Variants in PCSK9 observed in about 807,000 individuals in gnomAD.
The protein encoded by PCSK9 is convertase subtilisin/kexin type 9 preproprotein.
A neutral mutation model predicts 62.1 loss-of-function variants in PCSK9; 57 were observed. The ratio of observed to expected loss-of-function variants is 0.92; its 90% CI spans 0.74 to 1.14. The LOEUF is 1.14. Ranked by LOEUF, PCSK9 falls within the 50% of genes most tolerant of loss-of-function variation. The pLI is 0.00. For synonymous variants in PCSK9, 387 were observed against 409.4 expected (o/e 0.95, Z 0.66); for missense variants, 870 against 959.8 (o/e 0.91, Z 1.24).
rs1644637678 is a variant in PCSK9, at chr1:55,046,654, C to A, written c.523+8C>A. ...ATGAATACCAGCCCCCCGGTAAGAC[C>A]CCCATCTGTGCCCTGCCCCACCCCA... is the stretch of plus-strand genomic sequence containing the variant. On this transcript the variant is annotated splice_region_variant and intron_variant, in intron 3 of 11. Transcript: ENST00000302118. 2 of 1,613,606 alleles carry A rather than the reference C, an allele frequency of 1.2e-6. No homozygotes were observed. Among genetic ancestry groups the A allele is most frequent in the African/African-American group, 2.7e-5 (2 of 74,972 alleles).
chr1:55,051,480 CCT>C (rs143499560), intron 3 of PCSK9: 302 of 322,834 alleles, frequency 9.4e-4, no homozygotes, highest in African/African-American at 6.1e-3. Context: ...TTCCTTTCTT[CCT>C]CTCTCCCTTC....
At chr1:55,049,227 T>TG (rs1644656249) in intron 3 of PCSK9, among the ~76,000 whole-genome samples, 1 of 152,184 alleles carries the variant, frequency 6.6e-6, no homozygotes. Context: ...AGCAGTGGAA[T>TG]GAACGTGGAT....
rs1328112704 is a variant in PCSK9, at chr1:55,064,673, C to A, written c.*1089C>A. The A allele has an allele frequency of 6.6e-6, 1 of 152,212 alleles. No homozygotes were observed. The highest frequency in any genetic ancestry group is 1.5e-5 in the Non-Finnish European group (1 of 68,024). 9.4% of individuals were successfully genotyped at this position (152,212 alleles called of 1,614,324 possible). ...CCAACAACTGTCCCTCCTTGAGCAC[C>A]AGCCCCACCCAAGCAAGCAGACATT... is the stretch of plus-strand genomic sequence containing the variant. On this transcript the variant is annotated 3_prime_UTR_variant, in exon 12 of 12. Coordinates refer to ENST00000302118, the MANE Select transcript of PCSK9 (RefSeq NM_174936.4).
chr1:55,049,435 C>A (rs1037048136), intron 3 of PCSK9, among the ~76,000 whole-genome samples: 3 of 152,212 alleles, frequency 2.0e-5, no homozygotes, highest in African/African-American at 7.2e-5. Flanking sequence ...CAGGACTGGG[C>A]TCTCACCTGC....
At chr1:55,058,905 T>G (rs1644738012) in intron 9 of PCSK9, among the ~76,000 whole-genome samples, 1 of 152,202 alleles carries the variant, frequency 6.6e-6, no homozygotes, top group African/African-American at 2.4e-5. Flanking sequence ...GGATGGATTT[T>G]CAATGCTCAC....
At chr1:55,054,735 G>C (rs553741) in intron 5 of PCSK9, among the ~76,000 whole-genome samples, 81,785 of 152,150 alleles carry the variant, frequency 0.54, 24,577 homozygotes, top group East Asian at 0.76. Context: ...GCTGGGTGCA[G>C]TGGCTCACGC....
chr1:55,041,069 A>G lies in PCSK9; in HGVS notation c.207+1025A>G, dbSNP rs1461888646. On this transcript the variant is annotated intron_variant, in intron 1 of 11. Transcript: ENST00000302118. The stretch of plus-strand genomic sequence containing the variant: ...CTCCATTGCCTAATCTTTAAAAGGG[A>G]GGTGACAATCGTCCCTACGGCTCAG... Among the ~76,000 whole-genome samples, 4 of 152,262 alleles carry G rather than the reference A, an allele frequency of 2.6e-5. No homozygotes were observed. In the East Asian group the frequency reaches 5.8e-4, roughly 22 times the overall value.
chr1:55,060,504 G>T (rs1027912955), intron 10 of PCSK9, among the ~76,000 whole-genome samples: 4 of 152,240 alleles, frequency 2.6e-5, no homozygotes, highest in African/African-American at 9.6e-5. Flanking sequence ...GTTCAGGAAA[G>T]ATGAGCATAG....
At chr1:55,062,535 T>C (rs1452472076) in intron 11 of PCSK9, among the ~76,000 whole-genome samples, 2 of 152,096 alleles carry the variant, frequency 1.3e-5, no homozygotes, top group African/African-American at 4.8e-5. Context: ...AAAGATGCGA[T>C]GGAGAAAACT....
Position 55,058,103 on chromosome 1 carries a change from C to T in PCSK9, c.1248C>T (p.Ile416=). 1.9e-6 allele frequency: 3 copies of T among 1,613,692 alleles called. No homozygotes were observed. The highest frequency in any genetic ancestry group is 2.5e-6 in the Non-Finnish European group (3 of 1,180,004). The change falls in exon 8 of 12, where the codon ATC becomes ATT. Residue 416 remains isoleucine (I), a synonymous_variant. Coordinates refer to ENST00000302118, the MANE Select transcript of PCSK9 (RefSeq NM_174936.4). ...TGGCCGAGTTGAGGCAGAGACTGAT[C>T]CACTTCTCTGCCAAAGATGTCATCA... The part of the protein sequence containing the change: ...LTLAELRQRL[I]HFSAKDVINE...
At chr1:55,046,106 G>A (rs1426740599) in intron 2 of PCSK9, among the ~76,000 whole-genome samples, 1 of 152,184 alleles carries the variant, frequency 6.6e-6, no homozygotes, top group Non-Finnish European at 1.5e-5. Context: ...AGTTTGCACT[G>A]AGCAGGCTGG....
intron 2 of PCSK9, among the ~76,000 whole-genome samples, chr1:55,044,321 T>C (rs749010305): frequency 6.6e-5 from 10 of 152,156 alleles, no homozygotes; most frequent in African/African-American, 1.4e-4. Context: ...ATCAAACCCA[T>C]TGGTCTGCCT....
At chr1:55,054,372 G>T (rs1452955461) in intron 5 of PCSK9, among the ~76,000 whole-genome samples, 1 of 152,178 alleles carries the variant, frequency 6.6e-6, no homozygotes, top group East Asian at 1.9e-4. Flanking sequence ...GATAGAGCGA[G>T]ATTCCATCTC....
At chr1:55,061,292 A>G in intron 10 of PCSK9, 83 bp from the exon 11 acceptor site, 1 of 1,434,186 alleles carries the variant, frequency 7.0e-7, no homozygotes, top group East Asian at 2.4e-5. Context: ...TCAGACCTTA[A>G]AGAGAGAGGG....
At chr1:55,057,640 G>A (rs1267776479) in intron 7 of PCSK9, 126 bp downstream of exon 7, 1 of 1,181,714 alleles carries the variant, frequency 8.5e-7, no homozygotes, top group African/African-American at 1.5e-5. Flanking sequence ...AGGCCTGATG[G>A]TGCCTTCAAG....
At position 55,052,764 on chromosome 1, in the gene PCSK9, A is replaced by T. The variant is rs771479424; in HGVS notation, c.772A>T (p.Lys258Ter). Residue 258 changes from lysine (K) to a stop codon, truncating the protein, a stop_gained, in exon 5 of 12, where the codon AAG (lysine) becomes TAG (stop). Transcript: ENST00000302118. LOFTEE classifies it high-confidence loss of function. ...RSLRVLNCQG[K>*]GTVSGTLIGL... Reference sequence around the variant, plus strand: ...CCTGCGCGTGCTCAACTGCCAAGGGAAGGGCACGGTTAGCGGCACCCTCAT... The same window carrying T: ...CCTGCGCGTGCTCAACTGCCAAGGGTAGGGCACGGTTAGCGGCACCCTCAT... 1.9e-6 allele frequency: 3 copies of T among 1,613,120 alleles called. No individual in the cohort carries two copies. The highest frequency in any genetic ancestry group is 2.5e-6 in the Non-Finnish European group (3 of 1,179,978).
chr1:55,046,370 A>T (rs556496428), intron 2 of PCSK9, among the ~76,000 whole-genome samples, 153 bp from the exon 3 acceptor site: 2 of 152,198 alleles, frequency 1.3e-5, no homozygotes, highest in African/African-American at 4.8e-5. Flanking sequence ...TCAGGCTCCT[A>T]GTCTGTCCTC....
intron 10 of PCSK9, among the ~76,000 whole-genome samples, chr1:55,060,049 G>C (rs137886411): frequency 6.6e-6 from 1 of 152,198 alleles, no homozygotes; most frequent in Admixed American, 6.5e-5. Context: ...TCACCCTGCC[G>C]CTCTATAGCT....
intron 6 of PCSK9, among the ~76,000 whole-genome samples, 192 bp from the exon 7 acceptor site, chr1:55,057,139 G>A (rs1053739401): frequency 1.3e-5 from 2 of 152,224 alleles, no homozygotes; most frequent in African/African-American, 2.4e-5. Flanking sequence ...TAGGGACAGA[G>A]GGGAGCACCA....
Sources: gnomAD v4.1 joint callset for allele counts (sites outside exome capture counted in the v4.1 genomes callset) on GRCh38, gnomAD v4.1.1 for gene constraint, MANE v1.5 for transcripts, NCBI Gene and HGNC (gene_info 2026-07-23, HGNC 2026-07-21) for gene names.